The following FSIP1 variants were observed in gnomAD, a reference collection of about 807,000 sequenced individuals.
The protein encoded by FSIP1 is fibrous sheath-interacting protein 1.
In FSIP1, 65 loss-of-function variants were observed where a neutral mutation model predicts 60.9. The observed-to-expected ratio is 1.07, with a 90% CI of 0.87 to 1.31. FSIP1 has a LOEUF of 1.31. Ranked by LOEUF, FSIP1 falls within the 40% of genes most tolerant of loss-of-function variation. The pLI is 0.00. For missense variants in FSIP1, 675 were observed against 665.5 expected (o/e 1.01, Z -0.16); for synonymous variants, 209 against 221.2 (o/e 0.94, Z 0.49).
chr15:39,713,348 C>T (rs1895600094), intron 10 of FSIP1, 96 bp downstream of exon 10: 1 of 1,179,836 alleles, frequency 8.5e-7, no homozygotes, highest in Non-Finnish European at 1.2e-6. Flanking sequence ...GGGCAGGTCA[C>T]TTGAGCCCAG....
intron 10 of FSIP1, among the ~76,000 whole-genome samples, chr15:39,685,451 T>C (rs955112944): frequency 7.9e-5 from 12 of 152,116 alleles, no homozygotes; most frequent in Admixed American, 7.2e-4. Flanking sequence ...CAAACACACA[T>C]AGAAAGCCTT....
chr15:39,678,611 TAC>T (rs1391775551), intron 10 of FSIP1, among the ~76,000 whole-genome samples: 1 of 152,128 alleles, frequency 6.6e-6, no homozygotes, highest in Non-Finnish European at 1.5e-5. Context: ...AGAAAACAAA[TAC>T]AGTTGTTTCC....
At chr15:39,729,518 G>A (rs1429936356) in intron 8 of FSIP1, among the ~76,000 whole-genome samples, 8 of 152,120 alleles carry the variant, frequency 5.3e-5, no homozygotes, top group Non-Finnish European at 8.8e-5. Flanking sequence ...AAGCTGCAGT[G>A]AGCCATGACG....
At chr15:39,742,228 A>C (rs1271617924) in intron 5 of FSIP1, among the ~76,000 whole-genome samples, 1 of 152,232 alleles carries the variant, frequency 6.6e-6, no homozygotes, top group Non-Finnish European at 1.5e-5. Context: ...CTTGATGTTC[A>C]TAATACAGAG....
intron 10 of FSIP1, among the ~76,000 whole-genome samples, chr15:39,631,171 C>T (rs1891868918): frequency 6.6e-6 from 1 of 152,176 alleles, no homozygotes; most frequent in Non-Finnish European, 1.5e-5. Flanking sequence ...TTGGGTGCTC[C>T]TCCACCCTCT....
At chr15:39,604,596 A>G (rs958095917) in intron 11 of FSIP1, among the ~76,000 whole-genome samples, 1 of 152,234 alleles carries the variant, frequency 6.6e-6, no homozygotes, top group African/African-American at 2.4e-5. Context: ...TTAAAAAATG[A>G]ATTCACATTA....
chr15:39,753,743 T>C lies in FSIP1; in HGVS notation c.559+10078A>G, dbSNP rs752419998. On this transcript the variant is annotated intron_variant, in intron 5 of 11. Transcript: ENST00000350221. ...GGACACAAAAATTAACATTATTTCC[T>C]GGTTATGTGTTCATAAACTAAAAAA... is the stretch of plus-strand genomic sequence containing the variant. 2.3e-4 allele frequency among the ~76,000 whole-genome samples: 35 copies of C among 152,134 alleles called. 1 individual carries two copies. The highest frequency in any genetic ancestry group is 5.9e-4 in the Admixed American group (9 of 15,288).
intron 9 of FSIP1, among the ~76,000 whole-genome samples, chr15:39,719,257 G>A (rs1258892847): frequency 1.3e-5 from 2 of 152,134 alleles, no homozygotes; most frequent in African/African-American, 4.8e-5. Context: ...GAAATATCTT[G>A]ATTTCTCATA....
intron 10 of FSIP1, among the ~76,000 whole-genome samples, chr15:39,626,125 T>G (rs1363921737): frequency 6.6e-6 from 1 of 152,190 alleles, no homozygotes; most frequent in Non-Finnish European, 1.5e-5. Flanking sequence ...GGAAATCAGC[T>G]GATAGATGAG....
At position 39,739,705 on chromosome 15, in the gene FSIP1, CT is replaced by C. The variant is rs1384102237; in HGVS notation, c.739del (p.Arg247GlyfsTer37). 2.4e-5 allele frequency: 39 copies of C among 1,601,490 alleles called. No homozygotes were observed. Among genetic ancestry groups the C allele is most frequent in the Non-Finnish European group, 3.1e-5 (36 of 1,177,222 alleles). ...PFSNTEKIEL[R>X]GKHNQDFIKR... Reference sequence around the variant, plus strand: ...AATAAAATCCTGGTTGTGTTTACCCCTGAGCTCAATCTTTTCTGTATTCGAG... The same window carrying C: ...AATAAAATCCTGGTTGTGTTTACCCCGAGCTCAATCTTTTCTGTATTCGAG... On this transcript the variant is annotated frameshift_variant, in exon 7 of 12. Transcript: ENST00000350221. LOFTEE classifies it high-confidence loss of function.
chr15:39,726,741 GA>G lies in FSIP1; in HGVS notation c.897del (p.Gln300SerfsTer8). On this transcript the variant is annotated frameshift_variant, in exon 9 of 12. Coordinates refer to ENST00000350221, the MANE Select transcript of FSIP1 (RefSeq NM_152597.5). LOFTEE classifies it high-confidence loss of function. ...KDSGLSSSEG[D>X]QSGWVVPVKG... ...TTTACTGGGACCACCCAGCCAGACT[GA>G]TCACCCTAAGAGGAAACAAGGGTCA... 6.2e-7 allele frequency: 1 copy of G among 1,613,824 alleles called. No individual in the cohort carries two copies. The highest frequency in any genetic ancestry group is 8.5e-7 in the Non-Finnish European group (1 of 1,179,914).
intron 5 of FSIP1, among the ~76,000 whole-genome samples, chr15:39,749,798 A>G (rs761639195): frequency 6.6e-6 from 1 of 152,024 alleles, no homozygotes; most frequent in Admixed American, 6.6e-5. Flanking sequence ...ACAGTACTGG[A>G]AGGACCAGCA....
At chr15:39,640,529 C>T (rs1168907470) in intron 10 of FSIP1, among the ~76,000 whole-genome samples, 5 of 152,138 alleles carry the variant, frequency 3.3e-5, no homozygotes, top group African/African-American at 1.2e-4. Context: ...GTTCTGAGTG[C>T]CTTGCCCCGG....
At chr15:39,624,186 C>A (rs1891548553) in intron 10 of FSIP1, among the ~76,000 whole-genome samples, 1 of 152,128 alleles carries the variant, frequency 6.6e-6, no homozygotes, top group South Asian at 2.1e-4. Context: ...ATTTCCCAAA[C>A]AAGAAGGTAT....
intron 5 of FSIP1, among the ~76,000 whole-genome samples, chr15:39,744,190 C>T (rs1896904201): frequency 6.6e-6 from 1 of 152,020 alleles, no homozygotes; most frequent in African/African-American, 2.4e-5. Flanking sequence ...TTTGAGAATC[C>T]TTTGTACTTT....
chr15:39,712,907 G>T (rs1895581667), intron 10 of FSIP1, among the ~76,000 whole-genome samples: 1 of 143,544 alleles, frequency 7.0e-6, no homozygotes, highest in Non-Finnish European at 1.5e-5. Flanking sequence ...AACAAAAAGA[G>T]AATTTAAGCT....
intron 10 of FSIP1, among the ~76,000 whole-genome samples, chr15:39,665,835 C>T (rs1893474632): frequency 6.6e-6 from 1 of 152,040 alleles, no homozygotes; most frequent in Admixed American, 6.6e-5. Flanking sequence ...GAACAAAAGC[C>T]ACTTGAAGAA....
intron 10 of FSIP1, among the ~76,000 whole-genome samples, chr15:39,639,416 G>A (rs1486015514): frequency 6.6e-6 from 1 of 152,134 alleles, no homozygotes; most frequent in African/African-American, 2.4e-5. Context: ...AGCTTGGTCT[G>A]TAATTGAAAC....
chr15:39,625,168 G>A (rs1013985571), intron 10 of FSIP1, among the ~76,000 whole-genome samples: 1 of 152,192 alleles, frequency 6.6e-6, no homozygotes, highest in East Asian at 1.9e-4. Context: ...CCTGGTGAGA[G>A]GCTGCTGTGG....
Sources: allele counts gnomAD v4.1 joint callset (sites outside exome capture counted in the v4.1 genomes callset), GRCh38; gene constraint gnomAD v4.1.1; transcripts MANE v1.5; gene names NCBI Gene and HGNC (gene_info 2026-07-23, HGNC 2026-07-21).